The following UNC80 variants were observed in gnomAD, a reference collection of about 807,000 sequenced individuals.
UNC80 encodes the protein unc-80 subunit of NALCN channel complex, also known as protein unc-80 homolog.
Under a neutral mutation model 384.6 loss-of-function variants are expected in UNC80, and 164 were observed. That is an observed-to-expected ratio of 0.43 (90% confidence interval 0.38 to 0.49). The LOEUF is 0.49. Among genes scored for constraint, UNC80 ranks in the 20% least tolerant of loss-of-function variants. The pLI is 0.00. For synonymous variants in UNC80, 1,486 were observed against 1,527.8 expected, an observed-to-expected ratio of 0.97 and a Z score of 0.64; for missense variants, 3,330 against 4,143.0, an observed-to-expected ratio of 0.80 and a Z score of 5.39.
chr2:209,822,334 A>G (rs1574600491), intron 13 of UNC80, among the ~76,000 whole-genome samples: 2 of 152,348 alleles, frequency 1.3e-5, no homozygotes, highest in South Asian at 4.1e-4. Context: ...ATAATGGTAT[A>G]GATCACAAGA....
chr2:209,842,922 CTT>C (rs1164382560), intron 21 of UNC80, among the ~76,000 whole-genome samples: 1 of 152,190 alleles, frequency 6.6e-6, no homozygotes, highest in Non-Finnish European at 1.5e-5. Context: ...TGAAGACATA[CTT>C]ATCCACAAAT....
At chr2:209,789,488 A>T (rs2077659108) in intron 5 of UNC80, 44 bp from the exon 6 acceptor site, 1 of 1,335,036 alleles carries the variant, frequency 7.5e-7, no homozygotes. Flanking sequence ...AATAAAAAGA[A>T]CTTAAAACCT....
intron 48 of UNC80, among the ~76,000 whole-genome samples, chr2:209,956,543 G>A (rs2092424310): frequency 6.6e-6 from 1 of 151,742 alleles, no homozygotes; most frequent in Admixed American, 6.6e-5. Context: ...CTTCCAACCA[G>A]CAATAGCATC....
At chr2:209,885,150 A>T (rs1258251948) in intron 25 of UNC80, among the ~76,000 whole-genome samples, 1 of 152,184 alleles carries the variant, frequency 6.6e-6, no homozygotes, top group East Asian at 1.9e-4. Context: ...AATACAATTC[A>T]TAGCTACCAA....
intron 23 of UNC80, 112 bp downstream of exon 23, chr2:209,873,082 C>A: frequency 1.0e-6 from 1 of 999,904 alleles, no homozygotes; most frequent in Non-Finnish European, 1.5e-6. Context: ...TGTTATGTAC[C>A]AGGTACTGAA....
Position 209,815,371 on chromosome 2 carries a change from G to A in UNC80, c.1315G>A (p.Gly439Ser). ...AGTCCCAGATCTTTCTTCAGACCTG[G>A]GCATGAATATTTTTAAAAAGGTGAG... ...SAVPDLSSDL[G>S]MNIFKKFKSR... Residue 439 changes from glycine (G) to serine (S), a missense_variant, in exon 9 of 65, where the codon GGC becomes AGC. Gly to Ser is a moderately conservative substitution (Grantham distance 56). This residue lies in a region of UNC80 where 937 missense variants were observed against 1,026.8 expected (regional missense o/e 0.91). Transcript: ENST00000673920. 1 of 1,551,042 alleles carries A rather than the reference G, an allele frequency of 6.4e-7. No individual in the cohort carries two copies. Among genetic ancestry groups the A allele is most frequent in the Non-Finnish European group, 8.7e-7 (1 of 1,146,786 alleles).
chr2:209,895,400 T>A (rs2086709003), intron 27 of UNC80, among the ~76,000 whole-genome samples: 1 of 152,110 alleles, frequency 6.6e-6, no homozygotes. Context: ...TCAAAGAAGG[T>A]TTAAAATAGA....
chr2:209,831,422 A>G, intron 15 of UNC80, 21 bp from the exon 16 acceptor site: 1 of 1,538,502 alleles, frequency 6.5e-7, no homozygotes, highest in Non-Finnish European at 8.8e-7. Context: ...ATTGTCTTTA[A>G]TTTGTGCCTT....
chr2:209,949,096 T>A (rs1052223347), intron 47 of UNC80, among the ~76,000 whole-genome samples: 1 of 152,216 alleles, frequency 6.6e-6, no homozygotes, highest in Non-Finnish European at 1.5e-5. Context: ...AGATTTGGTT[T>A]GCAATTATTT....
intron 47 of UNC80, among the ~76,000 whole-genome samples, chr2:209,952,606 A>G (rs1038866063): frequency 1.3e-5 from 2 of 152,152 alleles, no homozygotes; most frequent in African/African-American, 4.8e-5. Flanking sequence ...AAACGAGCAG[A>G]TGCCTGGAAA....
chr2:209,818,960 G>A lies in UNC80; in HGVS notation c.1694-33G>A, dbSNP rs76359227. 6.3e-3 allele frequency: 9,723 copies of A among 1,542,262 alleles called. 503 individuals carry two copies. In the African/African-American group the frequency reaches 0.12, roughly 18 times the overall value. The stretch of plus-strand genomic sequence containing the variant: ...CTAACTGGTATTGTAGGTTAATGTA[G>A]GGAGAACTAAGACATTGCTTTCATT... On this transcript the variant is annotated intron_variant, in intron 11 of 64. Coordinates refer to ENST00000673920, the MANE Select transcript of UNC80 (RefSeq NM_001371986.1).
At chr2:209,873,825 C>A (rs988732239) in intron 23 of UNC80, among the ~76,000 whole-genome samples, 7 of 152,132 alleles carry the variant, frequency 4.6e-5, no homozygotes, top group African/African-American at 1.7e-4. Context: ...TTACCCATAT[C>A]TTTTTTGCAA....
chr2:209,885,023 G>T (rs1419830742), intron 25 of UNC80, among the ~76,000 whole-genome samples: 1 of 151,538 alleles, frequency 6.6e-6, no homozygotes, highest in Non-Finnish European at 1.5e-5. Flanking sequence ...TAACAAACCT[G>T]CACGCCCTGC....
At chr2:209,966,895 A>G (rs537169901) in intron 51 of UNC80, among the ~76,000 whole-genome samples, 25 of 152,352 alleles carry the variant, frequency 1.6e-4, no homozygotes, top group Middle Eastern at 3.4e-3. Context: ...ATGGAAATGG[A>G]GCCTGAAGAA....
At chr2:209,881,737 G>T (rs2085311003) in intron 25 of UNC80, among the ~76,000 whole-genome samples, 1 of 151,908 alleles carries the variant, frequency 6.6e-6, no homozygotes, top group African/African-American at 2.4e-5. Context: ...TACTATGCAA[G>T]AACCAGGCAT....
intron 29 of UNC80, among the ~76,000 whole-genome samples, chr2:209,910,182 G>A (rs1258005187): frequency 6.6e-6 from 1 of 151,184 alleles, no homozygotes; most frequent in African/African-American, 2.4e-5. Flanking sequence ...GTCTTGGGTT[G>A]CTAATCTTGA....
chr2:209,876,115 G>A (rs990194421), intron 23 of UNC80, among the ~76,000 whole-genome samples: 4 of 152,012 alleles, frequency 2.6e-5, no homozygotes, highest in Admixed American at 6.6e-5. Context: ...GAGTTGTTTC[G>A]TTATGTTATT....
intron 52 of UNC80, chr2:209,968,983 G>C (rs956220702): frequency 6.6e-6 from 1 of 152,116 alleles, no homozygotes; most frequent in African/African-American, 2.4e-5. Context: ...ATGTCACATA[G>C]CCTCATTTAT....
chr2:209,955,736 TATACAC>T (rs1399378885), intron 48 of UNC80, among the ~76,000 whole-genome samples: 3 of 61,412 alleles, frequency 4.9e-5, no homozygotes, highest in Admixed American at 1.6e-4. Flanking sequence ...TATATATATA[TATACAC>T]ACACACACAC....
Sources: allele counts gnomAD v4.1 joint callset (sites outside exome capture counted in the v4.1 genomes callset), GRCh38; gene constraint gnomAD v4.1.1; regional missense constraint gnomAD v4.1.1; transcripts MANE v1.5; gene names NCBI Gene and HGNC (gene_info 2026-07-23, HGNC 2026-07-21).